The following NEDD4L variants were observed in gnomAD, a reference collection of about 807,000 sequenced individuals.
NEDD4L encodes E3 ubiquitin-protein ligase NEDD4-like.
NEDD4L carries 54 observed loss-of-function variants against 148.9 expected under a neutral mutation model. The observed-to-expected ratio is 0.36, with a 90% CI of 0.29 to 0.45. The LOEUF is 0.45. Among genes scored for constraint, NEDD4L ranks in the 20% least tolerant of loss-of-function variants. The pLI, the probability that NEDD4L is intolerant of heterozygous loss-of-function variation, is 1.00. For missense variants in NEDD4L, 856 were observed against 1,233.8 expected, an observed-to-expected ratio of 0.69 and a Z score of 4.59; for synonymous variants, 433 against 440.7, an observed-to-expected ratio of 0.98 and a Z score of 0.22.
chr18:58,224,518 T>G (rs1161628754), intron 2 of NEDD4L, among the ~76,000 whole-genome samples: 1 of 152,190 alleles, frequency 6.6e-6, no homozygotes, highest in East Asian at 1.9e-4. Flanking sequence ...TCTCTTGCCC[T>G]GTTTTGTTGA....
chr18:58,260,700 T>G (rs529800591), intron 5 of NEDD4L, among the ~76,000 whole-genome samples: 9 of 152,230 alleles, frequency 5.9e-5, no homozygotes, highest in Non-Finnish European at 1.2e-4. Flanking sequence ...TTTGCACAAT[T>G]AAAAAGTATA....
intron 1 of NEDD4L, among the ~76,000 whole-genome samples, chr18:58,131,536 T>C (rs1353688099): frequency 6.6e-6 from 1 of 151,726 alleles, no homozygotes; most frequent in Non-Finnish European, 1.5e-5. Flanking sequence ...TTGGTTGTGA[T>C]CTAGCAGAAC....
chr18:58,250,326 T>A (rs2047753459), intron 4 of NEDD4L, among the ~76,000 whole-genome samples: 1 of 152,106 alleles, frequency 6.6e-6, no homozygotes, highest in Non-Finnish European at 1.5e-5. Flanking sequence ...ATTTTTGTAT[T>A]TTTAGTAGAG....
At chr18:58,161,568 C>A (rs2036222685) in intron 1 of NEDD4L, among the ~76,000 whole-genome samples, 1 of 151,882 alleles carries the variant, frequency 6.6e-6, no homozygotes, top group Admixed American at 6.6e-5. Context: ...ATCAACCTTT[C>A]CAGGTCTTTT....
chr18:58,076,252 T>G (rs985273339), intron 1 of NEDD4L, among the ~76,000 whole-genome samples: 1 of 152,172 alleles, frequency 6.6e-6, no homozygotes, highest in Non-Finnish European at 1.5e-5. Flanking sequence ...GTTAGTAATT[T>G]GAGTTGCATA....
chr18:58,097,282 G>A (rs2084475461), intron 1 of NEDD4L, among the ~76,000 whole-genome samples: 5 of 152,186 alleles, frequency 3.3e-5, no homozygotes, highest in Admixed American at 2.0e-4. Context: ...GAGAGCATTC[G>A]AGTGTTTGCC....
At chr18:58,087,377 A>G (rs2145223109) in intron 1 of NEDD4L, among the ~76,000 whole-genome samples, 1 of 152,342 alleles carries the variant, frequency 6.6e-6, no homozygotes, top group East Asian at 1.9e-4. Context: ...TAGCTTTTCC[A>G]GGGCTCTTCA....
rs902182899 is a variant in NEDD4L, at chr18:58,396,390, C to G, written c.*121C>G. 3 of 658,890 alleles carry G rather than the reference C, an allele frequency of 4.6e-6. No homozygotes were observed. In the African/African-American group the frequency reaches 5.4e-5, roughly 12 times the overall value. 40.8% of individuals were successfully genotyped at this position (658,890 alleles called of 1,614,324 possible). A position where few individuals can be genotyped will look rare whatever the true frequency, so the allele number is the denominator to read the frequency against. On this transcript the variant is annotated 3_prime_UTR_variant, in exon 31 of 31. Coordinates refer to ENST00000400345, the MANE Select transcript of NEDD4L (RefSeq NM_001144967.3). ...CAGCTGCAGGCATGGTCCCTGGAGC[C>G]GAGCCTTCACCACGCACTCGTCCAA...
intron 1 of NEDD4L, among the ~76,000 whole-genome samples, chr18:58,086,602 C>T (rs772358914): frequency 9.2e-5 from 14 of 152,258 alleles, no homozygotes; most frequent in Admixed American, 4.6e-4. Flanking sequence ...ACAGGACAGA[C>T]GGTAACATGC....
At chr18:58,160,656 C>T (rs1056046128) in intron 1 of NEDD4L, among the ~76,000 whole-genome samples, 1 of 152,202 alleles carries the variant, frequency 6.6e-6, no homozygotes. Context: ...TCAGAAAGTA[C>T]AGTGGCTCAG....
At chr18:58,252,144 T>C (rs751134516) in intron 5 of NEDD4L, 90 bp downstream of exon 5, 1 of 853,660 alleles carries the variant, frequency 1.2e-6, no homozygotes, top group Non-Finnish European at 2.0e-6. Flanking sequence ...GTTTATGTTG[T>C]ACTTAGGACA....
intron 6 of NEDD4L, among the ~76,000 whole-genome samples, chr18:58,317,903 T>C (rs4941389): frequency 0.54 from 81,768 of 152,058 alleles, 22,746 homozygotes; most frequent in African/African-American, 0.69. Context: ...CAGCCAACTA[T>C]AGTCAGAGAG....
intron 5 of NEDD4L, among the ~76,000 whole-genome samples, chr18:58,296,513 C>T (rs1234754584): frequency 6.6e-6 from 1 of 152,250 alleles, no homozygotes; most frequent in Non-Finnish European, 1.5e-5. Context: ...TCTAGGAACA[C>T]ATCTGCCCCT....
At chr18:58,162,790 G>A (rs567587459) in intron 1 of NEDD4L, among the ~76,000 whole-genome samples, 32 of 151,782 alleles carry the variant, frequency 2.1e-4, no homozygotes, top group African/African-American at 6.5e-4. Context: ...GCAGCCGGGC[G>A]CAGTGGCTCA....
intron 1 of NEDD4L, among the ~76,000 whole-genome samples, chr18:58,078,858 T>A (rs548450304): frequency 3.9e-5 from 6 of 152,000 alleles, no homozygotes; most frequent in African/African-American, 1.5e-4. Context: ...GACAATATGG[T>A]GGTGAAAACA....
intron 5 of NEDD4L, among the ~76,000 whole-genome samples, chr18:58,283,648 G>C (rs1657424755): frequency 6.6e-6 from 1 of 152,326 alleles, no homozygotes; most frequent in Non-Finnish European, 1.5e-5. Context: ...CTTGAAGCCA[G>C]CTGCTGGTGC....
chr18:58,062,716 C>T (rs894554193), intron 1 of NEDD4L, among the ~76,000 whole-genome samples: 2 of 152,132 alleles, frequency 1.3e-5, no homozygotes, highest in Admixed American at 6.5e-5. Flanking sequence ...GGGCCAGGGA[C>T]GGTGGCTCAC....
chr18:58,328,208 G>T (rs960829828), intron 9 of NEDD4L, among the ~76,000 whole-genome samples: 2 of 152,040 alleles, frequency 1.3e-5, no homozygotes. Context: ...CAAGTGATCC[G>T]CCCGCCTTGG....
intron 1 of NEDD4L, among the ~76,000 whole-genome samples, chr18:58,125,619 T>C (rs1490991401): frequency 2.6e-5 from 4 of 152,122 alleles, no homozygotes; most frequent in Non-Finnish European, 4.4e-5. Flanking sequence ...CTCTCCACTC[T>C]CTTCTCTGTG....
Sources: allele counts gnomAD v4.1 joint callset (sites outside exome capture counted in the v4.1 genomes callset), GRCh38; gene constraint gnomAD v4.1.1; transcripts MANE v1.5; gene names NCBI Gene and HGNC (gene_info 2026-07-23, HGNC 2026-07-21).